The following ABCA2 variants were observed in gnomAD, a reference collection of about 807,000 sequenced individuals.
ABCA2 encodes ATP-binding cassette sub-family A member 2.
In ABCA2, 84 loss-of-function variants were observed where a neutral mutation model predicts 262.8. The ratio of observed to expected loss-of-function variants is 0.32; its 90% CI spans 0.27 to 0.38. ABCA2 has a LOEUF of 0.38. Ranked by LOEUF, ABCA2 falls within the 10% of genes least tolerant of loss-of-function variation. ABCA2 has a pLI of 1.00. For synonymous variants in ABCA2, 1,696 were observed against 1,502.9 expected, an observed-to-expected ratio of 1.13 and a Z score of -2.97; for missense variants, 2,662 against 3,405.9, an observed-to-expected ratio of 0.78 and a Z score of 5.44.
At position 137,007,746 on chromosome 9, in the gene ABCA2, G is replaced by A. The variant is rs541327841; in HGVS notation, c.*183C>T. The A allele has an allele frequency of 2.9e-5, 23 of 799,724 alleles. No individual in the cohort carries two copies. Among genetic ancestry groups the A allele is most frequent in the South Asian group, 2.8e-4 (17 of 60,730 alleles). The allele number at this position is 799,724 out of a possible 1,614,324, so 49.5% of individuals were successfully genotyped here. ...GTCAGCCTTTGGCACAATTAGGGGC[G>A]GCAACCGCAGTGACCACAGGGCATG... is the stretch of plus-strand genomic sequence containing the variant. On this transcript the variant is annotated 3_prime_UTR_variant, in exon 49 of 49. Coordinates refer to ENST00000341511, the MANE Select transcript of ABCA2 (RefSeq NM_001606.5).
Position 137,018,036 on chromosome 9 carries a change from T to C in ABCA2, c.2033A>G (p.His678Arg). 1 of 1,612,714 alleles carries C rather than the reference T, an allele frequency of 6.2e-7. No individual in the cohort carries two copies. Residue 678 changes from histidine to arginine, a missense_variant, in exon 15 of 49, where the codon CAC becomes CGC. His to Arg is a conservative substitution (Grantham distance 29). Transcript: ENST00000341511. ...GTAGCTGCCTGGCTCCACCACATCG[T>C]GCCCCACAAAAGTGTCGATGATGGC... ...ERAIIDTFVG[H>R]DVVEPGSYVQ...
intron 6 of ABCA2, 71 bp downstream of exon 6, chr9:137,022,280 T>C: frequency 6.8e-7 from 1 of 1,479,748 alleles, no homozygotes. Context: ...ATCCTGAGGA[T>C]GGCTCAGCAA....
chr9:137,009,076 CG>C (rs1564210353), intron 45 of ABCA2, 23 bp from the exon 46 acceptor site: 21 of 1,596,512 alleles, frequency 1.3e-5, no homozygotes, highest in Non-Finnish European at 1.7e-5. Flanking sequence ...GCCGGTGGCC[CG>C]GAGCCCTGCG....
In ABCA2 at chr9:137,017,653, C is replaced by T. The variant is rs1295539304; in HGVS notation, c.2251G>A (p.Val751Met). 4 of 1,612,640 alleles carry T rather than the reference C, an allele frequency of 2.5e-6. No homozygotes were observed. Among genetic ancestry groups the T allele is most frequent in the Middle Eastern group, 1.6e-4 (1 of 6,062 alleles). Residue 751 changes from valine to methionine, a missense_variant, in exon 17 of 49, where the codon GTG (valine) becomes ATG (methionine). Val to Met is a conservative substitution (Grantham distance 21). This residue lies in a region of ABCA2 where 188 missense variants were observed against 343.4 expected (regional missense o/e 0.55). Coordinates refer to ENST00000341511, the MANE Select transcript of ABCA2 (RefSeq NM_001606.5). ...TMGLNNAVHW[V>M]AWFITGFVQL... ...ACAAAGCCGGTGATGAACCAGGCCA[C>T]CCAGTGCACCGCGTTGTTCAGGCCC...
At chr9:137,015,934 T>TGGGGGGGGGGGGGGGGGGGGGGGCGGG in intron 22 of ABCA2, 28 bp downstream of exon 22, 1 of 654,350 alleles carries the variant, frequency 1.5e-6, no homozygotes, top group Non-Finnish European at 2.1e-6. Flanking sequence ...TCCGCCCACC[T>TGGGGGGGGGGGGGGGGGGGGGGGCGGG]GCCCCGCCCC....
chr9:137,014,282 C>A lies in ABCA2; in HGVS notation c.4126G>T (p.Ala1376Ser). The change falls in exon 27 of 49, where the codon GCG becomes TCG. Residue 1376 changes from alanine (A) to serine (S), a missense_variant. Physicochemically the swap from Ala to Ser is moderately conservative, Grantham distance 99. Transcript: ENST00000341511. ...LTQSQASLQS[A>S]SSVGSARGDE... ...CCACGGGCAGAGCCCACAGATGACG[C>A]CGACTGCAGCGATGCCTGCGACTGG... 6.2e-7 allele frequency: 1 copy of A among 1,611,404 alleles called. No individual in the cohort carries two copies. Among genetic ancestry groups the A allele is most frequent in the Non-Finnish European group, 8.5e-7 (1 of 1,179,426 alleles).
Position 137,017,186 on chromosome 9 carries a change from C to T in ABCA2, c.2553+10G>A, listed in dbSNP as rs75887354. 1,197 of 1,612,058 alleles carry T rather than the reference C, an allele frequency of 7.4e-4. 4 individuals carry two copies. In the African/African-American group the frequency reaches 0.013, roughly 17 times the overall value. On this transcript the variant is annotated intron_variant, in intron 18 of 48. Transcript: ENST00000341511. ...GGCACCCCAGCCGCCCGCCTGCCCGCGACCCTCACCGCGATGCACTTCTCG... is the reference window on the plus strand; with the variant it reads ...GGCACCCCAGCCGCCCGCCTGCCCGTGACCCTCACCGCGATGCACTTCTCG...
chr9:137,010,906 C>T, intron 39 of ABCA2, 67 bp downstream of exon 39: 2 of 570,414 alleles, frequency 3.5e-6, no homozygotes, highest in Non-Finnish European at 6.1e-6. Flanking sequence ...CCCGCCCCTA[C>T]CCTGCCCCAC....
chr9:137,011,958 C>A lies in ABCA2; in HGVS notation c.5421G>T (p.Pro1807=). The change falls in exon 35 of 49, where the codon CCG becomes CCT. Residue 1807 remains proline (P), a synonymous_variant. Transcript: ENST00000341511. This position sits in a 1 kb window ranked among gnomAD's most constrained non-coding sequence, Gnocchi z 8.8. The part of the protein sequence containing the change: ...IFIIVAMSFV[P]ASFVVFLVAE... ...CCACGAGGAAGACAACGAAGCTGGC[C>A]GGCACGAAGGACATGGCCACGATGA... 1 of 1,612,684 alleles carries A rather than the reference C, an allele frequency of 6.2e-7. No homozygotes were observed. Among genetic ancestry groups the A allele is most frequent in the Non-Finnish European group, 8.5e-7 (1 of 1,179,962 alleles).
chr9:137,023,835 T>G lies in ABCA2; in HGVS notation c.163+3A>C, dbSNP rs1588529583. ...AGCCAGGAGGAGGTGGCCGCTCACT[T>G]ACAGACTGCATGCCAGCCGAGGACA... On this transcript the variant is annotated splice_donor_region_variant and intron_variant, in intron 3 of 48. Coordinates refer to ENST00000341511, the MANE Select transcript of ABCA2 (RefSeq NM_001606.5). 1.2e-6 allele frequency: 1 copy of G among 801,714 alleles called. No homozygotes were observed. Among genetic ancestry groups the G allele is most frequent in the Non-Finnish European group, 2.2e-6 (1 of 449,998 alleles). 49.7% of individuals were successfully genotyped at this position (801,714 alleles called of 1,614,324 possible). A position where few individuals can be genotyped will look rare whatever the true frequency, so the allele number is the denominator to read the frequency against.
Position 137,015,608 on chromosome 9 carries a change from C to T in ABCA2, c.3515-12G>A, listed in dbSNP as rs1234735712. On this transcript the variant is annotated splice_polypyrimidine_tract_variant and intron_variant, in intron 23 of 48. Transcript: ENST00000341511. The stretch of plus-strand genomic sequence containing the variant: ...AAGGATGGTGCGGCCTAGGACAAGG[C>T]CAGACCCAGGGTCAGGGGGCAGGGG... The T allele has an allele frequency of 6.2e-7, 1 of 1,612,076 alleles. No individual in the cohort carries two copies. The highest frequency in any genetic ancestry group is 1.3e-5 in the African/African-American group (1 of 74,908).
At chr9:137,008,369 G>C (rs1830907859) in intron 48 of ABCA2, 47 bp downstream of exon 48, 1 of 1,543,054 alleles carries the variant, frequency 6.5e-7, no homozygotes, top group Non-Finnish European at 8.7e-7. Context: ...AGGCAGCCTG[G>C]GTCCAGTGGG....
In ABCA2 at chr9:137,020,351, G is replaced by A; in HGVS notation, c.1410C>T (p.Asp470=). 1.9e-6 allele frequency: 3 copies of A among 1,612,760 alleles called. No homozygotes were observed. Among genetic ancestry groups the A allele is most frequent in the Non-Finnish European group, 2.5e-6 (3 of 1,179,972 alleles). The change falls in exon 10 of 49, where the codon GAC becomes GAT. Residue 470 remains aspartate (D), a synonymous_variant. Transcript: ENST00000341511. ...ILYAPAGSEV[D]RVILKANETF... ...ACCCGTGCACCTTGAGGATGACGCG[G>A]TCGACCTCAGAGCCCGCAGGCGCGT...
chr9:137,012,448 T>G lies in ABCA2; in HGVS notation c.5187+37A>C, dbSNP rs562578438. 3.7e-6 allele frequency: 6 copies of G among 1,609,628 alleles called. No homozygotes were observed. In the South Asian group the frequency reaches 6.6e-5, roughly 18 times the overall value. ...GGTCCCTGCAGACCTCGGGCGGCGC[T>G]ACACACAGCGGGGCCCAGGCCCGCA... On this transcript the variant is annotated intron_variant, in intron 32 of 48. Transcript: ENST00000341511.
At chr9:137,015,154 C>T in intron 24 of ABCA2, 57 bp from the exon 25 acceptor site, 3 of 1,508,798 alleles carry the variant, frequency 2.0e-6, no homozygotes, top group Non-Finnish European at 2.7e-6. Flanking sequence ...GGAGGGACCC[C>T]CAATGGGAAC....
In ABCA2 at chr9:137,016,745, G is replaced by A; in HGVS notation, c.2759-7C>T. On this transcript the variant is annotated splice_region_variant and splice_polypyrimidine_tract_variant and intron_variant, in intron 19 of 48. Transcript: ENST00000341511. ...CGGGGCAGCCCGTACATGCCTGGGG[G>A]TCGGGGAGGGGAGGGGAGGCTGACC... 6.5e-7 allele frequency: 1 copy of A among 1,544,314 alleles called. No homozygotes were observed. Among genetic ancestry groups the A allele is most frequent in the South Asian group, 1.2e-5 (1 of 81,836 alleles).
At position 137,021,122 on chromosome 9, in the gene ABCA2, T is replaced by A; in HGVS notation, c.898-61A>T. The A allele has an allele frequency of 6.9e-7, 1 of 1,443,146 alleles. No homozygotes were observed. Among genetic ancestry groups the A allele is most frequent in the Non-Finnish European group, 9.1e-7 (1 of 1,101,396 alleles). 89.4% of individuals were successfully genotyped at this position (1,443,146 alleles called of 1,614,324 possible). On this transcript the variant is annotated intron_variant, in intron 8 of 48. Coordinates refer to ENST00000341511, the MANE Select transcript of ABCA2 (RefSeq NM_001606.5). This position sits in a 1 kb window ranked among gnomAD's most constrained non-coding sequence, Gnocchi z 6.0. ...AGATGGACTGCAGGTGGGTGATAGG[T>A]CAGGAGTGGAGCAGGGAGACAGCAG...
chr9:137,008,319 G>T, intron 48 of ABCA2, 97 bp downstream of exon 48: 2 of 1,389,894 alleles, frequency 1.4e-6, no homozygotes. Flanking sequence ...AGCATCCTGG[G>T]GCCAGTTCTC....
chr9:137,009,992 G>A lies in ABCA2; in HGVS notation c.6486C>T (p.Asp2162=), dbSNP rs200952224. Residue 2162 remains aspartate (D), a synonymous_variant, in exon 42 of 49, where the codon GAC becomes GAT. Transcript: ENST00000341511. ...YTRLRGISWK[D]EARVVKWALE... ...CCCCACAGATCCTCACCCGGGCCTC[G>A]TCCTTCCAGGAGATCCCACGCAGCC... 3.8e-4 allele frequency: 614 copies of A among 1,596,648 alleles called. 1 individual carries two copies. Among genetic ancestry groups the A allele is most frequent in the Middle Eastern group, 3.3e-4 (2 of 6,028 alleles).
Sources: allele counts gnomAD v4.1 joint callset, GRCh38; gene constraint gnomAD v4.1.1; regional missense constraint gnomAD v4.1.1; non-coding constraint Gnocchi (gnomAD v3.1); transcripts MANE v1.5; gene names NCBI Gene and HGNC (gene_info 2026-07-23, HGNC 2026-07-21).